Variants in PHF12 observed in about 807,000 individuals in gnomAD.
PHF12 encodes PHD factor 1.
In PHF12, 6 loss-of-function variants were observed where a neutral mutation model predicts 99.8. The ratio of observed to expected loss-of-function variants is 0.06; its 90% CI spans 0.03 to 0.12. The LOEUF (loss-of-function observed/expected upper bound fraction) is 0.12. PHF12 is among the 10% of genes least tolerant of loss of function. The pLI, the probability that PHF12 is intolerant of heterozygous loss-of-function variation, is 1.00. For synonymous variants in PHF12, 480 were observed against 514.9 expected, an observed-to-expected ratio of 0.93 and a Z score of 0.92; for missense variants, 954 against 1,300.1, an observed-to-expected ratio of 0.73 and a Z score of 4.09.
At chr17:28,909,950 C>T in intron 11 of PHF12, 1 of 630,094 alleles carries the variant, frequency 1.6e-6, no homozygotes, top group Admixed American at 2.6e-5. Context: ...ACTACATATA[C>T]CCAAAGGTAC....
At chr17:28,925,037 A>G (rs1417321857) in intron 3 of PHF12, 2 of 152,322 alleles carry the variant, frequency 1.3e-5, no homozygotes, top group African/African-American at 2.4e-5. Context: ...TTTGCTCAAA[A>G]TAAGTGACAC....
At chr17:28,947,392 A>G (rs1161093245) in intron 2 of PHF12, among the ~76,000 whole-genome samples, 3 of 152,106 alleles carry the variant, frequency 2.0e-5, no homozygotes, top group Non-Finnish European at 4.4e-5. Flanking sequence ...AGCCTGGCCA[A>G]CGTGGTGAAA....
At position 28,906,115 on chromosome 17, in the gene PHF12, T is replaced by G; in HGVS notation, c.*68A>C. 6.8e-7 allele frequency: 1 copy of G among 1,472,036 alleles called. No homozygotes were observed. The highest frequency in any genetic ancestry group is 2.2e-5 in the Admixed American group (1 of 45,298). The allele number at this position is 1,472,036 out of a possible 1,614,324, so 91.2% of individuals were successfully genotyped here. ...GTATAGAAAACACCCGGGCTTGGTT[T>G]GTGTACATTTTTGCATTGCAGGAGT... On this transcript the variant is annotated 3_prime_UTR_variant, in exon 15 of 15. Transcript: ENST00000332830. The surrounding 1 kb of genome is among the most constrained non-coding windows in gnomAD (Gnocchi z 4.2).
chr17:28,926,931 T>C, intron 3 of PHF12, 60 bp downstream of exon 3: 3 of 1,609,288 alleles, frequency 1.9e-6, no homozygotes, highest in Non-Finnish European at 2.6e-6. Context: ...GTCTTAGCTC[T>C]AGCATATCAG....
At position 28,910,238 on chromosome 17, in the gene PHF12, G is replaced by A. The variant is rs1567948074; in HGVS notation, c.2347C>T (p.His783Tyr). 2.5e-6 allele frequency: 4 copies of A among 1,614,210 alleles called. No individual in the cohort carries two copies. The South Asian group carries it at 4.4e-5, about 18-fold the overall frequency. Reference sequence around the variant, plus strand: ...TGTACATGCGCACCTTCTATGTGGTGCCCTCCAGAAGCCAGCTGATGTGTC... The same window carrying A: ...TGTACATGCGCACCTTCTATGTGGTACCCTCCAGAAGCCAGCTGATGTGTC... ...VGTHQLASGG[H>Y]HIEVQRKEVQ... Residue 783 changes from histidine to tyrosine, a missense_variant, in exon 11 of 15, where the codon CAC becomes TAC. By Grantham distance (83) the His-to-Tyr change is moderately conservative. This residue lies in a region of PHF12 where 143 missense variants were observed against 191.8 expected (regional missense o/e 0.75). Transcript: ENST00000332830.
chr17:28,947,625 T>C (rs2040742931), intron 2 of PHF12, among the ~76,000 whole-genome samples: 2 of 152,018 alleles, frequency 1.3e-5, no homozygotes, highest in South Asian at 4.2e-4. Context: ...AAAACTTCAC[T>C]CTTGGTGGAA....
intron 2 of PHF12, among the ~76,000 whole-genome samples, chr17:28,929,470 C>G (rs1244243742): frequency 6.6e-6 from 1 of 152,132 alleles, no homozygotes; most frequent in Non-Finnish European, 1.5e-5. Context: ...GTCTTGAACT[C>G]CTGACCTCAG....
Position 28,924,261 on chromosome 17 carries a change from C to T in PHF12, c.363G>A (p.Leu121=). 1 of 1,614,216 alleles carries T rather than the reference C, an allele frequency of 6.2e-7. No homozygotes were observed. Among genetic ancestry groups the T allele is most frequent in the African/African-American group, 1.3e-5 (1 of 75,040 alleles). ...QKKELGHVNG[L]VDKSGKRTTS... is the part of the protein sequence containing the mutation. ...TAGTCCGTTTGCCAGATTTGTCCAC[C>T]AGTCCATTGACATGACCCAGCTCCT... Residue 121 remains leucine (L), a synonymous_variant, in exon 4 of 15, where the codon CTG becomes CTA. Coordinates refer to ENST00000332830, the MANE Select transcript of PHF12 (RefSeq NM_001033561.2).
chr17:28,908,118 C>T (rs1484599105), intron 12 of PHF12: 1 of 166,040 alleles, frequency 6.0e-6, no homozygotes, highest in African/African-American at 2.4e-5. Flanking sequence ...AAAACAGATA[C>T]AGGGCTAACT....
At chr17:28,940,921 G>A (rs888896808) in intron 2 of PHF12, among the ~76,000 whole-genome samples, 6 of 152,012 alleles carry the variant, frequency 3.9e-5, no homozygotes, top group Non-Finnish European at 8.8e-5. Context: ...TGGGAGGCAC[G>A]CATTATGCAG....
chr17:28,911,074 A>G (rs1598118106), intron 10 of PHF12, 38 bp downstream of exon 10: 3 of 1,613,444 alleles, frequency 1.9e-6, no homozygotes, highest in Non-Finnish European at 2.5e-6. Flanking sequence ...CACCTTCAAC[A>G]TAGCAAACGG....
intron 2 of PHF12, among the ~76,000 whole-genome samples, chr17:28,936,360 G>C (rs896647388): frequency 2.0e-5 from 3 of 152,156 alleles, no homozygotes; most frequent in Non-Finnish European, 4.4e-5. Context: ...AGAGGCGAGA[G>C]GTAGAGGGAG....
intron 2 of PHF12, among the ~76,000 whole-genome samples, chr17:28,943,459 G>A (rs1167351579): frequency 2.6e-5 from 4 of 152,030 alleles, no homozygotes; most frequent in African/African-American, 7.3e-5. Context: ...GTGAAACCCC[G>A]TTTCTACTAA....
Position 28,914,030 on chromosome 17 carries a change from T to A in PHF12, c.1142A>T (p.Asp381Val). The change falls in exon 8 of 15, where the codon GAT becomes GTT. Residue 381 changes from aspartate to valine, a missense_variant. Physicochemically the swap from Asp to Val is radical, Grantham distance 152. Around this residue, in one of 8 missense-constraint regions of PHF12, gnomAD observed 392 missense variants for 423.1 expected, o/e 0.93. Transcript: ENST00000332830. Reference sequence around the variant, plus strand: ...AAACTGGTACTGAGATTTTATAGCATCAGGAACCTGTTCAGGATAGATAGA... The same window carrying A: ...AAACTGGTACTGAGATTTTATAGCAACAGGAACCTGTTCAGGATAGATAGA... Reference protein sequence around the residue: ...SVKRRSLKVPDAIKSQYQFPP... With the variant: ...SVKRRSLKVPVAIKSQYQFPP... 1.2e-6 allele frequency: 2 copies of A among 1,609,330 alleles called. No homozygotes were observed. Among genetic ancestry groups the A allele is most frequent in the Non-Finnish European group, 1.7e-6 (2 of 1,176,164 alleles).
chr17:28,939,634 C>CAG (rs2040577351), intron 2 of PHF12, among the ~76,000 whole-genome samples: 1 of 152,240 alleles, frequency 6.6e-6, no homozygotes, highest in Admixed American at 6.5e-5. Flanking sequence ...TTTCATAATG[C>CAG]AGAGGCTTCT....
chr17:28,935,582 A>G (rs2040494300), intron 2 of PHF12, among the ~76,000 whole-genome samples: 1 of 152,134 alleles, frequency 6.6e-6, no homozygotes, highest in African/African-American at 2.4e-5. Flanking sequence ...CCAGCTCACT[A>G]TTTTAACCAC....
chr17:28,911,595 A>G (rs1024754585), intron 9 of PHF12, among the ~76,000 whole-genome samples: 1 of 152,108 alleles, frequency 6.6e-6, no homozygotes, highest in African/African-American at 2.4e-5. Flanking sequence ...AATATGACTC[A>G]CGGCGTGGAG....
chr17:28,939,332 A>G (rs1407444607), intron 2 of PHF12, among the ~76,000 whole-genome samples: 1 of 152,254 alleles, frequency 6.6e-6, no homozygotes, highest in Non-Finnish European at 1.5e-5. Context: ...AAAAATGGCA[A>G]ATAAGATCAG....
chr17:28,908,826 T>G lies in PHF12; in HGVS notation c.2415A>C (p.Gly805=), dbSNP rs770571001. The change falls in exon 12 of 15, where the codon GGA becomes GGC. Residue 805 remains glycine, a synonymous_variant. Coordinates refer to ENST00000332830, the MANE Select transcript of PHF12 (RefSeq NM_001033561.2). ...RAVFYPLLGL[G]GAVNMCYRTL... The stretch of plus-strand genomic sequence containing the variant: ...TTCGATAGCACATGTTCACAGCTCC[T>G]CCCAACCCTAAGAGGGGGTAGAACA... 3.7e-6 allele frequency: 6 copies of G among 1,613,818 alleles called. No individual in the cohort carries two copies. In the African/African-American group the frequency reaches 8.0e-5, roughly 22 times the overall value.
Sources: allele counts gnomAD v4.1 joint callset (sites outside exome capture counted in the v4.1 genomes callset), GRCh38; gene constraint gnomAD v4.1.1; regional missense constraint gnomAD v4.1.1; non-coding constraint Gnocchi (gnomAD v3.1); transcripts MANE v1.5; gene names NCBI Gene and HGNC (gene_info 2026-07-23, HGNC 2026-07-21).